Variants in MORC1 observed in about 807,000 individuals in gnomAD.
The protein encoded by MORC1 is MORC family CW-type zinc finger 1, also known as MORC family CW-type zinc finger protein 1.
In MORC1, 59 loss-of-function variants were observed where a neutral mutation model predicts 134.9. The ratio of observed to expected loss-of-function variants is 0.44; its 90% CI spans 0.35 to 0.54. MORC1 has a LOEUF of 0.54. Ranked by LOEUF, MORC1 falls within the 20% of genes least tolerant of loss-of-function variation. The probability of loss-of-function intolerance (pLI) is 0.00; values close to 1 mark genes in which losing one functional copy is unlikely to be tolerated. For synonymous variants in MORC1, 395 were observed against 391.7 expected (o/e 1.01, Z -0.10); for missense variants, 947 against 1,134.5 (o/e 0.83, Z 2.37).
intron 27 of MORC1, among the ~76,000 whole-genome samples, chr3:108,959,519 C>T (rs1184740913): frequency 6.6e-6 from 1 of 152,056 alleles, no homozygotes. Context: ...TCTTTGTTTC[C>T]TCTATTTCCA....
chr3:108,979,144 C>G (rs1044580990), intron 24 of MORC1, among the ~76,000 whole-genome samples: 4 of 152,030 alleles, frequency 2.6e-5, no homozygotes, highest in African/African-American at 9.7e-5. Flanking sequence ...CAATTTCCCT[C>G]AATAAGTTCA....
At chr3:109,109,645 G>T (rs1196962042) in intron 3 of MORC1, 2 of 152,132 alleles carry the variant, frequency 1.3e-5, no homozygotes, top group African/African-American at 2.4e-5. Flanking sequence ...TCACTAGAAA[G>T]GCCCTATTCT....
intron 6 of MORC1, 34 bp from the exon 7 acceptor site, chr3:109,095,102 A>C: frequency 6.5e-7 from 1 of 1,528,118 alleles, no homozygotes; most frequent in Non-Finnish European, 8.8e-7. Flanking sequence ...TTTACTATGA[A>C]ATACACAAAA....
chr3:108,969,868 G>T, intron 25 of MORC1, 146 bp from the exon 26 acceptor site: 1 of 634,728 alleles, frequency 1.6e-6, no homozygotes, highest in Non-Finnish European at 2.7e-6. Flanking sequence ...TTTTAAGTCT[G>T]GGTCTAATTA....
chr3:109,115,785 T>C (rs778587034), intron 1 of MORC1, among the ~76,000 whole-genome samples: 2 of 152,210 alleles, frequency 1.3e-5, no homozygotes, highest in Non-Finnish European at 2.9e-5. Context: ...GAGCTCAAGC[T>C]GGTGGGGTAC....
chr3:109,004,675 G>T, intron 20 of MORC1, 142 bp downstream of exon 20: 2 of 788,760 alleles, frequency 2.5e-6, no homozygotes, highest in South Asian at 2.1e-5. Context: ...AGTTTTTTCA[G>T]AACCTTGATT....
At chr3:109,040,845 A>AAG (rs1215997231) in intron 14 of MORC1, among the ~76,000 whole-genome samples, 5 of 150,660 alleles carry the variant, frequency 3.3e-5, no homozygotes, top group Non-Finnish European at 5.9e-5. Flanking sequence ...AAAAAAAAAA[A>AAG]AAAAAGAAAG....
intron 14 of MORC1, among the ~76,000 whole-genome samples, chr3:109,040,775 A>C (rs927894180): frequency 6.8e-6 from 1 of 147,080 alleles, no homozygotes; most frequent in African/African-American, 2.5e-5. Flanking sequence ...GGTTGCAGTG[A>C]GCACAGATTG....
Position 109,005,061 on chromosome 3 carries a change from T to C in MORC1, c.2013+9A>G, listed in dbSNP as rs1948504071. Reference sequence around the variant, plus strand: ...GAATTGTTTTGTGAATAAGAAACAATAATAATACCTGGGATCTCTCAGCTA... The same window carrying C: ...GAATTGTTTTGTGAATAAGAAACAACAATAATACCTGGGATCTCTCAGCTA... On this transcript the variant is annotated intron_variant, in intron 19 of 27. Transcript: ENST00000232603. 2.5e-6 allele frequency: 4 copies of C among 1,602,502 alleles called. No individual in the cohort carries two copies. The highest frequency in any genetic ancestry group is 3.4e-6 in the Non-Finnish European group (4 of 1,175,404).
At chr3:109,076,435 T>C (rs1576716098) in intron 8 of MORC1, among the ~76,000 whole-genome samples, 2 of 152,176 alleles carry the variant, frequency 1.3e-5, no homozygotes, top group African/African-American at 2.4e-5. Flanking sequence ...CTCAAGAATC[T>C]AGAACCAGAA....
chr3:109,048,209 G>A (rs753988081), intron 14 of MORC1, among the ~76,000 whole-genome samples: 2 of 152,104 alleles, frequency 1.3e-5, no homozygotes, highest in South Asian at 2.1e-4. Flanking sequence ...GTGAGACAGC[G>A]ATAGAGAAAG....
chr3:108,965,338 CCTG>C (rs760840171), intron 26 of MORC1, among the ~76,000 whole-genome samples: 7 of 152,100 alleles, frequency 4.6e-5, no homozygotes, highest in Non-Finnish European at 7.4e-5. Flanking sequence ...TCAAAAGGAA[CCTG>C]CTATTGACAC....
chr3:109,114,287 G>A, intron 2 of MORC1, 97 bp downstream of exon 2: 4 of 1,096,362 alleles, frequency 3.6e-6, no homozygotes, highest in Non-Finnish European at 5.1e-6. Context: ...ATTCCAGATG[G>A]GAAAATATGA....
At chr3:109,016,320 C>T (rs889132835) in intron 17 of MORC1, among the ~76,000 whole-genome samples, 4 of 152,092 alleles carry the variant, frequency 2.6e-5, no homozygotes, top group African/African-American at 9.7e-5. Context: ...CTTCTGTATC[C>T]ATCTCCACAA....
At position 109,031,454 on chromosome 3, in the gene MORC1, A is replaced by G. The variant is rs576520243; in HGVS notation, c.1565+1266T>C. The stretch of plus-strand genomic sequence containing the variant: ...CTCCAGAGTCTGAACTCTAAATACA[A>G]TCCTAGACTATATGAAAGTTCTTAG... On this transcript the variant is annotated intron_variant, in intron 16 of 27. Coordinates refer to ENST00000232603, the MANE Select transcript of MORC1 (RefSeq NM_014429.4). Among the ~76,000 whole-genome samples, 49 of 152,260 alleles carry G rather than the reference A, an allele frequency of 3.2e-4. 1 individual carries two copies. In the South Asian group the frequency reaches 7.0e-3, roughly 22 times the overall value.
At chr3:108,973,237 C>T (rs1381405581) in intron 24 of MORC1, among the ~76,000 whole-genome samples, 2 of 152,170 alleles carry the variant, frequency 1.3e-5, no homozygotes, top group African/African-American at 2.4e-5. Flanking sequence ...GGCATCATGC[C>T]CCCATGCCAG....
chr3:109,100,356 G>T, intron 5 of MORC1, 61 bp downstream of exon 5: 1 of 1,263,510 alleles, frequency 7.9e-7, no homozygotes, highest in Non-Finnish European at 1.2e-6. Context: ...TGTGTAAATT[G>T]CTTTATAAAC....
Position 108,984,001 on chromosome 3 carries a change from G to T in MORC1, c.2324+715C>A, listed in dbSNP as rs114425196. ...TTTGTGACTTACCTTAAAAGTAGTA[G>T]GGGCTGAAAAGGCTTTGGAGTGGAA... On this transcript the variant is annotated intron_variant, in intron 23 of 27. Coordinates refer to ENST00000232603, the MANE Select transcript of MORC1 (RefSeq NM_014429.4). Among the ~76,000 whole-genome samples, 437 of 152,288 alleles carry T rather than the reference G, an allele frequency of 2.9e-3. 7 individuals carry two copies. Among genetic ancestry groups the T allele is most frequent in the African/African-American group, 0.01 (420 of 41,558 alleles).
rs755646982 is a variant in MORC1, at chr3:108,963,570, T to C, written c.2643A>G (p.Ile881Met). 1.3e-6 allele frequency: 2 copies of C among 1,586,826 alleles called. No individual in the cohort carries two copies. The highest frequency in any genetic ancestry group is 1.8e-5 in the Admixed American group (1 of 56,808). ...NTYMVQYEKK[I>M]KRKLQSIIYD... ...AGATAATGGACTGCAATTTCCTCTT[T>C]ATTTTTTTTTCATATTGGACCATGT... Residue 881 changes from isoleucine to methionine, a missense_variant, in exon 27 of 28, where the codon ATA becomes ATG. By Grantham distance (10) the Ile-to-Met change is conservative (BLOSUM62 1). This residue lies in a region of MORC1 where 722 missense variants were observed against 817.0 expected (regional missense o/e 0.88). Transcript: ENST00000232603.
Sources: gnomAD v4.1 joint callset for allele counts (sites outside exome capture counted in the v4.1 genomes callset) on GRCh38, gnomAD v4.1.1 for gene constraint, gnomAD v4.1.1 regional missense constraint, MANE v1.5 for transcripts, NCBI Gene and HGNC (gene_info 2026-07-23, HGNC 2026-07-21) for gene names.